Variants in SNX2 observed in about 807,000 individuals in gnomAD.
SNX2 encodes the protein sorting nexin 2.
SNX2 carries 25 observed loss-of-function variants against 69.9 expected under a neutral mutation model. That is an observed-to-expected ratio of 0.36 (90% CI 0.26 to 0.50). The LOEUF (loss-of-function observed/expected upper bound fraction) is 0.50, where lower values mean the gene tolerates loss of function less well. SNX2 is among the 20% of genes least tolerant of loss of function. The probability of loss-of-function intolerance (pLI) is 0.97; values close to 1 mark genes in which losing one functional copy is unlikely to be tolerated. For synonymous variants in SNX2, 229 were observed against 200.4 expected, an observed-to-expected ratio of 1.14 and a Z score of -1.20; for missense variants, 551 against 613.3, an observed-to-expected ratio of 0.90 and a Z score of 1.07.
At chr5:122,818,111 T>TTA (rs1440102914) in intron 10 of SNX2, among the ~76,000 whole-genome samples, 2 of 152,124 alleles carry the variant, frequency 1.3e-5, no homozygotes, top group Non-Finnish European at 2.9e-5. Context: ...GCCATTTGAA[T>TTA]TATATATATC....
chr5:122,811,125 A>G (rs996593394), intron 7 of SNX2, among the ~76,000 whole-genome samples: 1 of 152,174 alleles, frequency 6.6e-6, no homozygotes, highest in Admixed American at 6.5e-5. Context: ...TTTTCTTCGT[A>G]TTATTTTATT....
intron 1 of SNX2, among the ~76,000 whole-genome samples, chr5:122,777,488 A>G (rs1231160125): frequency 1.3e-5 from 2 of 152,276 alleles, no homozygotes; most frequent in Non-Finnish European, 2.9e-5. Flanking sequence ...AAAGTCAGTC[A>G]TATAAATTAA....
In SNX2 at chr5:122,830,925, C is replaced by G. The variant is rs1355834656; in HGVS notation, c.*1277C>G. 7.0e-6 allele frequency among the ~76,000 whole-genome samples: 1 copy of G among 142,600 alleles called. No individual in the cohort carries two copies. Among genetic ancestry groups the G allele is most frequent in the Non-Finnish European group, 1.5e-5 (1 of 66,874 alleles). 93.6% of individuals were successfully genotyped at this position (142,600 alleles called of 152,430 possible). A position where few individuals can be genotyped will look rare whatever the true frequency, so the allele number is the denominator to read the frequency against. ...TTGGGAGGCTGAGGCACAAGAATCG[C>G]TTGAACCAGGAAGGTGGAGGTTGCA... On this transcript the variant is annotated 3_prime_UTR_variant, in exon 15 of 15. Transcript: ENST00000379516.
At chr5:122,811,324 C>G (rs2150012291) in intron 7 of SNX2, among the ~76,000 whole-genome samples, 1 of 152,256 alleles carries the variant, frequency 6.6e-6, no homozygotes, top group South Asian at 2.1e-4. Flanking sequence ...CCTAACATCA[C>G]TTGCTTGGTT....
rs908766267 is a variant in SNX2, at chr5:122,830,419, T to C, written c.*771T>C. ...AGGAAAAAAATGTATTTATATACTT[T>C]TACAAGTCCCATGGATTTTGTTCAT... is the stretch of plus-strand genomic sequence containing the variant. On this transcript the variant is annotated 3_prime_UTR_variant, in exon 15 of 15. Transcript: ENST00000379516. 6.6e-6 allele frequency among the ~76,000 whole-genome samples: 1 copy of C among 152,240 alleles called. No individual in the cohort carries two copies. Among genetic ancestry groups the C allele is most frequent in the Non-Finnish European group, 1.5e-5 (1 of 68,044 alleles).
Position 122,819,119 on chromosome 5 carries a change from T to C in SNX2, c.1212+96T>C, listed in dbSNP as rs1285101526. ...TGTATTTACATGTCTAAATTCCTCC[T>C]ATACTAGCATGAATAAAATGGCTTC... is the stretch of plus-strand genomic sequence containing the variant. On this transcript the variant is annotated intron_variant, in intron 11 of 14. Coordinates refer to ENST00000379516, the MANE Select transcript of SNX2 (RefSeq NM_003100.4). 1.8e-5 allele frequency: 16 copies of C among 897,466 alleles called. No homozygotes were observed. In the East Asian group the frequency reaches 2.1e-4, roughly 12 times the overall value. The allele number at this position is 897,466 out of a possible 1,614,324, so 55.6% of individuals were successfully genotyped here.
intron 11 of SNX2, among the ~76,000 whole-genome samples, chr5:122,824,455 A>C (rs1189137368): frequency 6.6e-6 from 1 of 152,176 alleles, no homozygotes; most frequent in African/African-American, 2.4e-5. Flanking sequence ...GGTATTTTAA[A>C]TATAAGAAAA....
At chr5:122,784,354 G>C (rs1043473931) in intron 1 of SNX2, among the ~76,000 whole-genome samples, 1 of 151,128 alleles carries the variant, frequency 6.6e-6, no homozygotes, top group Non-Finnish European at 1.5e-5. Flanking sequence ...TTTTTTTAAT[G>C]AGCTTAATCA....
At chr5:122,794,022 G>A (rs190873195) in intron 1 of SNX2, among the ~76,000 whole-genome samples, 1 of 151,646 alleles carries the variant, frequency 6.6e-6, no homozygotes, top group Non-Finnish European at 1.5e-5. Context: ...TATACGTTAG[G>A]GTTAAAGAAG....
At position 122,818,956 on chromosome 5, in the gene SNX2, C is replaced by CT; in HGVS notation, c.1149dup (p.Ala384CysfsTer2). Reference sequence around the variant, plus strand: ...ATAGACCAGTTACATCAAGAACAAGCTTTTGCTGACTTTTATATGTTTTCA... The same window carrying CT: ...ATAGACCAGTTACATCAAGAACAAGCTTTTTGCTGACTTTTATATGTTTTCA... On this transcript the variant is annotated frameshift_variant, in exon 11 of 15. Transcript: ENST00000379516. LOFTEE classifies it high-confidence loss of function. The CT allele has an allele frequency of 6.2e-7, 1 of 1,613,858 alleles. No individual in the cohort carries two copies. Among genetic ancestry groups the CT allele is most frequent in the Non-Finnish European group, 8.5e-7 (1 of 1,179,856 alleles).
chr5:122,785,098 GTTTA>G (rs1032469880), intron 1 of SNX2, among the ~76,000 whole-genome samples: 2 of 151,858 alleles, frequency 1.3e-5, no homozygotes, highest in African/African-American at 4.8e-5. Flanking sequence ...TACATCTTCT[GTTTA>G]TTTATGTATT....
chr5:122,813,614 T>C (rs1228898733), intron 7 of SNX2, among the ~76,000 whole-genome samples: 1 of 152,076 alleles, frequency 6.6e-6, no homozygotes, highest in African/African-American at 2.4e-5. Flanking sequence ...GACAGGAATA[T>C]ATATATATTT....
intron 5 of SNX2, among the ~76,000 whole-genome samples, chr5:122,802,492 G>A (rs572669270): frequency 5.9e-5 from 9 of 152,302 alleles, no homozygotes; most frequent in African/African-American, 2.2e-4. Context: ...TGATTGAAAC[G>A]TTTGGCAGTA....
At position 122,833,407 on chromosome 5, in the gene SNX2, C is replaced by G. The variant is rs897949241; in HGVS notation, c.*3759C>G. ...ATATAATTTTAAAATTTTCTACAGCCAAATGTTAAAAAGTAAAAAACAATT... is the reference window on the plus strand; with the variant it reads ...ATATAATTTTAAAATTTTCTACAGCGAAATGTTAAAAAGTAAAAAACAATT... On this transcript the variant is annotated 3_prime_UTR_variant, in exon 15 of 15. Coordinates refer to ENST00000379516, the MANE Select transcript of SNX2 (RefSeq NM_003100.4). The G allele has an allele frequency of 1.3e-5, 2 of 151,998 alleles. No homozygotes were observed. Among genetic ancestry groups the G allele is most frequent in the Admixed American group, 6.6e-5 (1 of 15,266 alleles). 9.4% of individuals were successfully genotyped at this position (151,998 alleles called of 1,614,324 possible).
chr5:122,784,421 ATTT>A (rs1465403978), intron 1 of SNX2, among the ~76,000 whole-genome samples: 1 of 151,780 alleles, frequency 6.6e-6, no homozygotes, highest in Non-Finnish European at 1.5e-5. Context: ...ACGGATGTTA[ATTT>A]TGACAAATGC....
In SNX2 at chr5:122,830,937, A is replaced by G. The variant is rs775930301; in HGVS notation, c.*1289A>G. On this transcript the variant is annotated 3_prime_UTR_variant, in exon 15 of 15. Transcript: ENST00000379516. The stretch of plus-strand genomic sequence containing the variant: ...GGCACAAGAATCGCTTGAACCAGGA[A>G]GGTGGAGGTTGCAGTGAGCCAAGAT... Among the ~76,000 whole-genome samples the G allele has an allele frequency of 1.4e-5, 2 of 139,464 alleles. No individual in the cohort carries two copies. The highest frequency in any genetic ancestry group is 3.0e-5 in the Non-Finnish European group (2 of 66,052). 91.5% of individuals were successfully genotyped at this position (139,464 alleles called of 152,430 possible). A position where few individuals can be genotyped will look rare whatever the true frequency, so the allele number is the denominator to read the frequency against.
At chr5:122,818,423 A>G (rs17149679) in intron 10 of SNX2, among the ~76,000 whole-genome samples, 4,416 of 152,282 alleles carry the variant, frequency 0.029, 183 homozygotes, top group African/African-American at 0.087. Flanking sequence ...TTCAATGACA[A>G]ATGTTTAAAG....
chr5:122,793,480 T>G, intron 1 of SNX2, among the ~76,000 whole-genome samples: 1 of 152,188 alleles, frequency 6.6e-6, no homozygotes, highest in Non-Finnish European at 1.5e-5. Context: ...AAGTGGAACT[T>G]CTAGGTTTGA....
intron 1 of SNX2, 32 bp from the exon 2 acceptor site, chr5:122,795,234 A>G (rs764207515): frequency 1.5e-6 from 2 of 1,364,488 alleles, no homozygotes; most frequent in Non-Finnish European, 2.1e-6. Flanking sequence ...AAACATGCCA[A>G]TCCATTACCT....
Sources: gnomAD v4.1 joint callset for allele counts (sites outside exome capture counted in the v4.1 genomes callset) on GRCh38, gnomAD v4.1.1 for gene constraint, MANE v1.5 for transcripts, NCBI Gene and HGNC (gene_info 2026-07-23, HGNC 2026-07-21) for gene names.